The following SRGAP1 variants were observed in gnomAD, a reference collection of about 807,000 sequenced individuals.
SRGAP1 encodes the protein SLIT-ROBO Rho GTPase activating protein 1.
Under a neutral mutation model 121.9 loss-of-function variants are expected in SRGAP1, and 43 were observed. That is an observed-to-expected ratio of 0.35 (90% CI 0.28 to 0.46). The LOEUF (loss-of-function observed/expected upper bound fraction) is 0.46, where lower values mean the gene tolerates loss of function less well. Among genes scored for constraint, SRGAP1 ranks in the 20% least tolerant of loss-of-function variants. SRGAP1 has a pLI of 1.00. For missense variants in SRGAP1, 1,102 were observed against 1,350.9 expected (o/e 0.82, Z 2.89); for synonymous variants, 447 against 485.4 (o/e 0.92, Z 1.04).
In SRGAP1 at chr12:64,128,146, G is replaced by A; in HGVS notation, c.2826G>A (p.Gly942=). Residue 942 remains glycine (G), a synonymous_variant, in exon 21 of 22, where the codon GGG becomes GGA. Transcript: ENST00000355086. ...SPPIRRSTSS[G]QYTGFNDHKP... Reference sequence around the variant, plus strand: ...CCATTAGAAGGTCCACGTCATCAGGGCAATACACGGGCTTCAATGACCACA... The same window carrying A: ...CCATTAGAAGGTCCACGTCATCAGGACAATACACGGGCTTCAATGACCACA... The A allele has an allele frequency of 6.2e-7, 1 of 1,614,092 alleles. No individual in the cohort carries two copies. The highest frequency in any genetic ancestry group is 8.5e-7 in the Non-Finnish European group (1 of 1,180,006).
chr12:63,945,886 G>A (rs1034328989), intron 1 of SRGAP1, among the ~76,000 whole-genome samples: 3 of 152,172 alleles, frequency 2.0e-5, no homozygotes, highest in Non-Finnish European at 4.4e-5. Flanking sequence ...TCTCAGAGCA[G>A]TGATCTGGGC....
At position 64,150,140 on chromosome 12, in the gene SRGAP1, ATGTGCACGTG is replaced by A. The variant is rs1241989157; in HGVS notation, c.*7473_*7482del. On this transcript the variant is annotated 3_prime_UTR_variant, in exon 22 of 22. Transcript: ENST00000355086. Reference sequence around the variant, plus strand: ...GATATCAACACATGTGCTTGTGTGCATGTGCACGTGTGTGGGTGGGAGGGTGCGGAGGGGT... The same window carrying A: ...GATATCAACACATGTGCTTGTGTGCATGTGGGTGGGAGGGTGCGGAGGGGT... 1 of 141,218 alleles carries A rather than the reference ATGTGCACGTG, an allele frequency of 7.1e-6. No individual in the cohort carries two copies. Among genetic ancestry groups the A allele is most frequent in the Non-Finnish European group, 1.5e-5 (1 of 64,962 alleles). The allele number at this position is 141,218 out of a possible 1,614,324, so 8.7% of individuals were successfully genotyped here. A position where few individuals can be genotyped will look rare whatever the true frequency, so the allele number is the denominator to read the frequency against.
At chr12:64,104,233 G>T (rs754389233) in intron 15 of SRGAP1, among the ~76,000 whole-genome samples, 4 of 152,242 alleles carry the variant, frequency 2.6e-5, no homozygotes, top group South Asian at 4.2e-4. Flanking sequence ...TATCTAACCC[G>T]CCTGCTGGGA....
intron 1 of SRGAP1, among the ~76,000 whole-genome samples, chr12:63,863,268 T>C (rs1165817842): frequency 6.9e-6 from 1 of 144,092 alleles, no homozygotes; most frequent in Non-Finnish European, 1.5e-5. Context: ...AGGTTGCTCT[T>C]TTTTTTTCTT....
chr12:64,085,038 T>TA (rs1349090880), intron 10 of SRGAP1, among the ~76,000 whole-genome samples: 2 of 152,250 alleles, frequency 1.3e-5, no homozygotes, highest in Admixed American at 1.3e-4. Context: ...AAAAAAGACT[T>TA]ACGTTTTTAA....
At chr12:64,141,583 G>A (rs994320442) in intron 21 of SRGAP1, among the ~76,000 whole-genome samples, 8 of 152,050 alleles carry the variant, frequency 5.3e-5, no homozygotes, top group Non-Finnish European at 1.0e-4. Flanking sequence ...GCATCTTGGG[G>A]GGGGAAAAAG....
At chr12:63,984,832 A>G (rs1292365574) in intron 2 of SRGAP1, among the ~76,000 whole-genome samples, 1 of 152,054 alleles carries the variant, frequency 6.6e-6, no homozygotes, top group Non-Finnish European at 1.5e-5. Flanking sequence ...CCTGACCAAT[A>G]TGGTGAAACC....
intron 1 of SRGAP1, among the ~76,000 whole-genome samples, chr12:63,901,294 G>A (rs2029913786): frequency 6.6e-6 from 1 of 152,180 alleles, no homozygotes; most frequent in African/African-American, 2.4e-5. Flanking sequence ...AAGAAAAAAT[G>A]AGCCATTCCC....
At chr12:64,099,337 C>T (rs998843033) in intron 15 of SRGAP1, among the ~76,000 whole-genome samples, 1 of 152,190 alleles carries the variant, frequency 6.6e-6, no homozygotes, top group Non-Finnish European at 1.5e-5. Flanking sequence ...CCACAGTTAG[C>T]TCCACAGGCT....
rs371740765 is a variant in SRGAP1, at chr12:64,068,387, G to T, written c.1125+3168G>T. ...GTCTCACTCTGCCACCCAGGCTGGG[G>T]TGCAGAGGCACAATCACAGCTCATT... On this transcript the variant is annotated intron_variant, in intron 8 of 21. Coordinates refer to ENST00000355086, the MANE Select transcript of SRGAP1 (RefSeq NM_020762.4). Among the ~76,000 whole-genome samples, 9 of 152,064 alleles carry T rather than the reference G, an allele frequency of 5.9e-5. No individual in the cohort carries two copies. The East Asian group carries it at 1.4e-3, about 23-fold the overall frequency.
At chr12:63,976,923 A>T (rs1010961979) in intron 1 of SRGAP1, among the ~76,000 whole-genome samples, 16 of 152,156 alleles carry the variant, frequency 1.1e-4, no homozygotes, top group Non-Finnish European at 1.5e-4. Context: ...TAAGTAGCGT[A>T]CATCCTGACG....
intron 3 of SRGAP1, among the ~76,000 whole-genome samples, chr12:64,003,705 A>G (rs1172344092): frequency 1.3e-5 from 2 of 152,162 alleles, no homozygotes; most frequent in African/African-American, 4.8e-5. Flanking sequence ...GACTTTGGGA[A>G]TGATACCCAA....
Position 64,109,002 on chromosome 12 carries a change from T to C in SRGAP1, c.1884T>C (p.Leu628=). Residue 628 remains leucine (L), a synonymous_variant, in exon 16 of 22, where the codon CTT becomes CTC. Transcript: ENST00000355086. ...KLLLTLPRSV[L]IVMRYLFAFL... ...TCCTGACTTTGCCCAGGTCGGTCCT[T>C]ATAGTGATGAGGTACCTCTTTGCCT... 6 of 1,593,558 alleles carry C rather than the reference T, an allele frequency of 3.8e-6. No individual in the cohort carries two copies. The highest frequency in any genetic ancestry group is 3.4e-6 in the Non-Finnish European group (4 of 1,166,248).
rs1197016769 is a variant in SRGAP1, at chr12:64,152,724, T to G, written c.*10052T>G. On this transcript the variant is annotated 3_prime_UTR_variant, in exon 22 of 22. Transcript: ENST00000355086. Reference sequence around the variant, plus strand: ...CATCCTGACAACTGCCTGTTGAAATTATATTCATCATTCCAAACCCAACAA... The same window carrying G: ...CATCCTGACAACTGCCTGTTGAAATGATATTCATCATTCCAAACCCAACAA... 2 of 152,088 alleles carry G rather than the reference T, an allele frequency of 1.3e-5. No individual in the cohort carries two copies. The highest frequency in any genetic ancestry group is 6.5e-5 in the Admixed American group (1 of 15,268). The allele number at this position is 152,088 out of a possible 1,614,324, so 9.4% of individuals were successfully genotyped here.
intron 15 of SRGAP1, among the ~76,000 whole-genome samples, chr12:64,099,319 T>C (rs1033628887): frequency 2.0e-5 from 3 of 152,184 alleles, no homozygotes; most frequent in Admixed American, 2.0e-4. Flanking sequence ...ATATGCTCAA[T>C]GGAGTGCCCA....
chr12:64,043,858 G>T (rs115614999), intron 6 of SRGAP1, among the ~76,000 whole-genome samples: 2,255 of 152,286 alleles, frequency 0.015, 49 homozygotes, highest in African/African-American at 0.051. Context: ...CCAGTCATTT[G>T]CAAGTTATGC....
intron 1 of SRGAP1, among the ~76,000 whole-genome samples, chr12:63,961,268 A>G (rs979635580): frequency 1.3e-5 from 2 of 152,206 alleles, no homozygotes; most frequent in African/African-American, 2.4e-5. Flanking sequence ...TAGTTGCAGC[A>G]CGCTCCATTG....
intron 4 of SRGAP1, among the ~76,000 whole-genome samples, chr12:64,036,476 A>G (rs1186628051): frequency 1.3e-5 from 2 of 152,228 alleles, no homozygotes; most frequent in African/African-American, 4.8e-5. Context: ...TAAGAAACCC[A>G]AAGAATGTAG....
At chr12:64,114,644 C>T (rs1294367026) in intron 17 of SRGAP1, among the ~76,000 whole-genome samples, 3 of 152,184 alleles carry the variant, frequency 2.0e-5, no homozygotes, top group Non-Finnish European at 2.9e-5. Context: ...AGCCACCGTG[C>T]CTGGCCTGGT....
Sources: gnomAD v4.1 joint callset for allele counts (sites outside exome capture counted in the v4.1 genomes callset) on GRCh38, gnomAD v4.1.1 for gene constraint, MANE v1.5 for transcripts, NCBI Gene and HGNC (gene_info 2026-07-23, HGNC 2026-07-21) for gene names.